Variants in ANKS1B observed in about 807,000 individuals in gnomAD.
ANKS1B encodes ankyrin repeat and sterile alpha motif domain-containing protein 1B.
In ANKS1B, 36 loss-of-function variants were observed where a neutral mutation model predicts 148.3. That is an observed-to-expected ratio of 0.24 (90% CI 0.19 to 0.32). The LOEUF is 0.32. ANKS1B is among the 10% of genes least tolerant of loss of function. The pLI is 1.00. For missense variants in ANKS1B, 1,157 were observed against 1,542.6 expected (o/e 0.75, Z 4.19); for synonymous variants, 542 against 560.8 (o/e 0.97, Z 0.47).
chr12:99,945,203 G>A (rs2095030718), intron 1 of ANKS1B, among the ~76,000 whole-genome samples: 1 of 152,164 alleles, frequency 6.6e-6, no homozygotes, highest in African/African-American at 2.4e-5. Flanking sequence ...AAACATTCCA[G>A]GTAAGGTAGT....
intron 17 of ANKS1B, among the ~76,000 whole-genome samples, chr12:98,943,183 C>A (rs1277899341): frequency 6.6e-6 from 1 of 152,152 alleles, no homozygotes; most frequent in East Asian, 1.9e-4. Flanking sequence ...GATAGCAGAG[C>A]TCAATTCCTG....
chr12:98,804,213 T>C (rs1403277341), intron 20 of ANKS1B, among the ~76,000 whole-genome samples: 1 of 152,180 alleles, frequency 6.6e-6, no homozygotes, highest in Non-Finnish European at 1.5e-5. Context: ...GGCCTTCAAA[T>C]ATTGCTTCAG....
chr12:99,869,389 T>C (rs1484628505), intron 1 of ANKS1B, among the ~76,000 whole-genome samples: 2 of 151,838 alleles, frequency 1.3e-5, no homozygotes, highest in East Asian at 1.9e-4. Context: ...TTTTAAAAGA[T>C]TGGGCTGGGC....
chr12:98,779,229 A>G (rs2098710274), intron 24 of ANKS1B, among the ~76,000 whole-genome samples: 1 of 152,168 alleles, frequency 6.6e-6, no homozygotes, highest in South Asian at 2.1e-4. Flanking sequence ...AACTCATCTA[A>G]TTATTGGCAA....
intron 10 of ANKS1B, among the ~76,000 whole-genome samples, chr12:99,490,902 C>A (rs2096548379): frequency 6.6e-6 from 1 of 152,182 alleles, no homozygotes; most frequent in South Asian, 2.1e-4. Context: ...TATGAGACTA[C>A]AAGCATTACG....
chr12:98,789,419 G>GTT (rs34713699), intron 22 of ANKS1B, among the ~76,000 whole-genome samples: 131 of 147,252 alleles, frequency 8.9e-4, no homozygotes, highest in Middle Eastern at 3.5e-3. Context: ...AAGATGTATA[G>GTT]TTTTTTTTTT....
intron 11 of ANKS1B, 86 bp from the exon 12 acceptor site, chr12:99,399,897 A>AT (rs1555416981): frequency 7.9e-6 from 11 of 1,384,862 alleles, no homozygotes; most frequent in Non-Finnish European, 1.1e-5. Context: ...CTAAGTGATA[A>AT]TTTTTTTCAG....
intron 17 of ANKS1B, among the ~76,000 whole-genome samples, chr12:99,023,452 A>G (rs1379620567): frequency 1.3e-5 from 2 of 151,892 alleles, no homozygotes; most frequent in Non-Finnish European, 2.9e-5. Flanking sequence ...GTTGTTATTG[A>G]AAGGTTCTTC....
intron 12 of ANKS1B, among the ~76,000 whole-genome samples, chr12:99,302,712 A>G (rs1476061039): frequency 6.6e-6 from 1 of 152,174 alleles, no homozygotes; most frequent in Non-Finnish European, 1.5e-5. Flanking sequence ...AAAAAGGACC[A>G]CATTGTTAAG....
At chr12:98,833,810 C>T (rs1392065944) in intron 17 of ANKS1B, among the ~76,000 whole-genome samples, 3 of 152,084 alleles carry the variant, frequency 2.0e-5, no homozygotes, top group South Asian at 2.1e-4. Context: ...GAGTACTCAA[C>T]GTTTAGCTCC....
intron 12 of ANKS1B, among the ~76,000 whole-genome samples, chr12:99,369,016 T>C (rs1010795920): frequency 1.3e-5 from 2 of 152,206 alleles, no homozygotes; most frequent in Non-Finnish European, 2.9e-5. Flanking sequence ...ACGTGAAAGT[T>C]CACTGGGGAA....
intron 9 of ANKS1B, among the ~76,000 whole-genome samples, chr12:99,572,961 A>G (rs2097476663): frequency 6.6e-6 from 1 of 152,042 alleles, no homozygotes; most frequent in Admixed American, 6.6e-5. Flanking sequence ...TTTAGGCATT[A>G]TTATCTTTAT....
intron 14 of ANKS1B, among the ~76,000 whole-genome samples, chr12:99,243,837 G>A (rs756258543): frequency 3.3e-5 from 5 of 152,164 alleles, no homozygotes; most frequent in Admixed American, 6.5e-5. Flanking sequence ...CATGGACACA[G>A]GGTGGGGAAC....
chr12:99,652,602 A>G (rs937457027), intron 9 of ANKS1B, among the ~76,000 whole-genome samples: 1 of 152,226 alleles, frequency 6.6e-6, no homozygotes, highest in Non-Finnish European at 1.5e-5. Context: ...GATTTAATGC[A>G]GTAAAAATTA....
intron 2 of ANKS1B, among the ~76,000 whole-genome samples, chr12:99,815,582 C>T (rs1023956083): frequency 6.6e-6 from 1 of 151,144 alleles, no homozygotes; most frequent in African/African-American, 2.4e-5. Context: ...GATTTTAGTG[C>T]ACTCATCATC....
intron 9 of ANKS1B, among the ~76,000 whole-genome samples, chr12:99,508,614 T>G (rs912121381): frequency 6.6e-6 from 1 of 151,870 alleles, no homozygotes; most frequent in African/African-American, 2.4e-5. Flanking sequence ...CATGATGAAC[T>G]TGGGTCCCAA....
chr12:99,780,534 G>A (rs1247892415), intron 5 of ANKS1B, among the ~76,000 whole-genome samples: 1 of 151,700 alleles, frequency 6.6e-6, no homozygotes, highest in Admixed American at 6.6e-5. Context: ...TGCCCACCTT[G>A]GCCTCCCAAA....
intron 10 of ANKS1B, among the ~76,000 whole-genome samples, chr12:99,485,643 C>A (rs2096478904): frequency 6.6e-6 from 1 of 152,094 alleles, no homozygotes; most frequent in Non-Finnish European, 1.5e-5. Context: ...ATTTTCTCTT[C>A]TCTCTCAGAA....
intron 14 of ANKS1B, among the ~76,000 whole-genome samples, chr12:99,242,689 A>C (rs2089569033): frequency 6.6e-6 from 1 of 152,206 alleles, no homozygotes; most frequent in Non-Finnish European, 1.5e-5. Flanking sequence ...TGGTACCAAA[A>C]CAGATATATA....
Sources: allele counts gnomAD v4.1 joint callset (sites outside exome capture counted in the v4.1 genomes callset), GRCh38; gene constraint gnomAD v4.1.1; transcripts MANE v1.5; gene names NCBI Gene and HGNC (gene_info 2026-07-23, HGNC 2026-07-21).